HYAL4: variants seen among roughly 807,000 people sequenced by gnomAD.
HYAL4 encodes hyaluronidase 4, also known as hyaluronidase-4.
HYAL4 carries 37 observed loss-of-function variants against 35.2 expected under a neutral mutation model. That is an observed-to-expected ratio of 1.05 (90% confidence interval 0.81 to 1.38). The LOEUF (loss-of-function observed/expected upper bound fraction) is 1.38. HYAL4 is among the 40% of genes most tolerant of loss of function. The pLI, the probability that HYAL4 is intolerant of heterozygous loss-of-function variation, is 0.00. For synonymous variants in HYAL4, 198 were observed against 203.2 expected (o/e 0.97, Z 0.22); for missense variants, 572 against 572.4 (o/e 1.00, Z 0.01).
intron 1 of HYAL4, among the ~76,000 whole-genome samples, chr7:123,837,233 C>T (rs1243782400): frequency 6.6e-6 from 1 of 152,090 alleles, no homozygotes; most frequent in South Asian, 2.1e-4. Context: ...AGATAGGACC[C>T]CAATCCCTTA....
the HYAL4 span, among the ~76,000 whole-genome samples, chr7:123,800,653 T>C: frequency 0.1 from 15,046 of 150,380 alleles, 816 homozygotes; most frequent in East Asian, 0.15. Context: ...TTTTTTTCTC[T>C]CTTTTTTTTT....
At chr7:123,824,143 GTAATTGA>G (rs1805767682), upstream of HYAL4, among the ~76,000 whole-genome samples, 1 of 152,178 alleles carries the variant, frequency 6.6e-6, no homozygotes, top group Non-Finnish European at 1.5e-5. Context: ...CCTTGATCAA[GTAATTGA>G]CTTTTCAATT....
chr7:123,818,843 A>G, the HYAL4 span, among the ~76,000 whole-genome samples: 3 of 152,162 alleles, frequency 2.0e-5, no homozygotes, highest in Non-Finnish European at 2.9e-5. Context: ...TGTATTTATC[A>G]TATACAACAT....
At chr7:123,774,375 C>G in the HYAL4 span, among the ~76,000 whole-genome samples, 1 of 152,128 alleles carries the variant, frequency 6.6e-6, no homozygotes, top group African/African-American at 2.4e-5. Context: ...GTTTTGCTCA[C>G]TGGGTGTGGT....
the HYAL4 span, among the ~76,000 whole-genome samples, chr7:123,781,346 C>T: frequency 1.5e-5 from 2 of 132,760 alleles, no homozygotes; most frequent in East Asian, 2.1e-4. Flanking sequence ...CCTTTGTTCA[C>T]GTGTTTGTCT....
the HYAL4 span, among the ~76,000 whole-genome samples, chr7:123,787,393 GC>G: frequency 2.6e-5 from 4 of 151,882 alleles, no homozygotes; most frequent in African/African-American, 4.8e-5. Context: ...CTAATGTCAT[GC>G]CCATTGCTCA....
At chr7:123,798,303 T>G in the HYAL4 span, among the ~76,000 whole-genome samples, 1 of 152,168 alleles carries the variant, frequency 6.6e-6, no homozygotes, top group South Asian at 2.1e-4. Flanking sequence ...TATCAGAGCC[T>G]CCACCCTTCT....
the HYAL4 span, among the ~76,000 whole-genome samples, chr7:123,809,211 A>G: frequency 6.6e-6 from 1 of 151,960 alleles, no homozygotes; most frequent in Middle Eastern, 3.2e-3. Context: ...TGACCCTGAA[A>G]ACCTGTCCAT....
At chr7:123,866,894 G>A (rs984625244) in intron 2 of HYAL4, among the ~76,000 whole-genome samples, 2 of 151,132 alleles carry the variant, frequency 1.3e-5, no homozygotes, top group African/African-American at 4.9e-5. Flanking sequence ...AGGTTGAAGC[G>A]ATTCTCCTGC....
At chr7:123,850,609 C>T (rs566936730) in intron 2 of HYAL4, among the ~76,000 whole-genome samples, 99 of 152,188 alleles carry the variant, frequency 6.5e-4, no homozygotes, top group African/African-American at 2.1e-3. Flanking sequence ...GTTCACAGAC[C>T]GAAGTCTCTT....
At chr7:123,792,759 A>G in the HYAL4 span, among the ~76,000 whole-genome samples, 1 of 152,160 alleles carries the variant, frequency 6.6e-6, no homozygotes, top group Non-Finnish European at 1.5e-5. Flanking sequence ...CGTTTTTCAC[A>G]GAAGAGTTAG....
chr7:123,877,262 T>G lies in HYAL4; in HGVS notation c.*107T>G. 23 of 1,091,120 alleles carry G rather than the reference T, an allele frequency of 2.1e-5. No homozygotes were observed. The South Asian group carries it at 3.7e-4, about 18-fold the overall frequency. 67.6% of individuals were successfully genotyped at this position (1,091,120 alleles called of 1,614,324 possible). ...TTATGAATTCTATTGAGAGATATTA[T>G]AAGTAGACATTATGTATGTCACTTA... On this transcript the variant is annotated 3_prime_UTR_variant, in exon 5 of 5. Transcript: ENST00000223026.
the HYAL4 span, among the ~76,000 whole-genome samples, chr7:123,803,330 T>C: frequency 6.6e-6 from 1 of 152,232 alleles, no homozygotes; most frequent in Admixed American, 6.5e-5. Context: ...CACAGCGACA[T>C]CATTTGCATG....
At chr7:123,806,197 G>A in the HYAL4 span, among the ~76,000 whole-genome samples, 1 of 152,148 alleles carries the variant, frequency 6.6e-6, no homozygotes, top group Non-Finnish European at 1.5e-5. Context: ...AATTATTGAT[G>A]AGGTGAGAGT....
the HYAL4 span, among the ~76,000 whole-genome samples, chr7:123,772,344 A>C: frequency 2.6e-5 from 4 of 152,118 alleles, no homozygotes; most frequent in Non-Finnish European, 5.9e-5. Context: ...GGGCAACCGC[A>C]ACATCCCGTC....
chr7:123,797,221 G>A, the HYAL4 span, among the ~76,000 whole-genome samples: 4 of 152,210 alleles, frequency 2.6e-5, no homozygotes, highest in Non-Finnish European at 4.4e-5. Context: ...GTTCTATGAA[G>A]TTTTAGCATC....
chr7:123,783,185 C>A, the HYAL4 span, among the ~76,000 whole-genome samples: 2 of 152,054 alleles, frequency 1.3e-5, no homozygotes, highest in African/African-American at 2.4e-5. Flanking sequence ...TCATCCCATG[C>A]GTCCTACACA....
chr7:123,778,961 A>G, the HYAL4 span, among the ~76,000 whole-genome samples: 2 of 152,220 alleles, frequency 1.3e-5, no homozygotes, highest in Non-Finnish European at 2.9e-5. Context: ...TCTATTAAGC[A>G]GACATTGAAG....
At chr7:123,807,953 T>TATTATTATTATTATTA in the HYAL4 span, among the ~76,000 whole-genome samples, 1 of 148,062 alleles carries the variant, frequency 6.8e-6, no homozygotes, top group Non-Finnish European at 1.5e-5. Flanking sequence ...TTATTATTAT[T>TATTATTATTATTATTA]TTGTAGAGAC....
Sources: gnomAD v4.1 joint callset for allele counts (sites outside exome capture counted in the v4.1 genomes callset) on GRCh38, gnomAD v4.1.1 for gene constraint, MANE v1.5 for transcripts, NCBI Gene and HGNC (gene_info 2026-07-23, HGNC 2026-07-21) for gene names.